Variants in ZNF33A observed in about 807,000 individuals in gnomAD.
ZNF33A encodes the protein brain my041 protein.
A neutral mutation model predicts 15.9 loss-of-function variants in ZNF33A; 9 were observed. The observed-to-expected ratio is 0.57, with a 90% confidence interval of 0.34 to 0.99. The LOEUF (loss-of-function observed/expected upper bound fraction) is 0.99, where lower values mean the gene tolerates loss of function less well. ZNF33A is among the 50% of genes least tolerant of loss of function. The pLI is 0.02. For synonymous variants in ZNF33A, 294 were observed against 324.2 expected (o/e 0.91, Z 1.00); for missense variants, 843 against 941.6 (o/e 0.90, Z 1.37).
At chr10:38,024,148 G>A (rs189267295) in intron 4 of ZNF33A, among the ~76,000 whole-genome samples, 1,181 of 86,748 alleles carry the variant, frequency 0.014, 3 homozygotes, top group Non-Finnish European at 0.019. Flanking sequence ...GTGAAACTCC[G>A]TCTCAAAAAC....
intron 4 of ZNF33A, among the ~76,000 whole-genome samples, chr10:38,029,332 G>A (rs571057805): frequency 6.6e-6 from 1 of 152,258 alleles, no homozygotes; most frequent in South Asian, 2.1e-4. Context: ...AGAGTTCTCA[G>A]ATGATAGTTT....
chr10:38,015,896 T>C, intron 2 of ZNF33A: 1 of 856,102 alleles, frequency 1.2e-6, no homozygotes, highest in Non-Finnish European at 1.6e-6. Context: ...GAATTGGTTC[T>C]GTAAACGAAA....
intron 4 of ZNF33A, among the ~76,000 whole-genome samples, chr10:38,022,006 A>G (rs2064767583): frequency 6.6e-6 from 1 of 152,202 alleles, no homozygotes; most frequent in South Asian, 2.1e-4. Context: ...TGATAGAGAA[A>G]TTTATGGCAC....
intron 4 of ZNF33A, among the ~76,000 whole-genome samples, chr10:38,034,109 G>A (rs112385634): frequency 1.3e-5 from 2 of 152,268 alleles, no homozygotes; most frequent in African/African-American, 4.8e-5. Context: ...GAAAAATTGG[G>A]GAGATAGTAG....
chr10:38,025,568 A>C (rs2064947642), intron 4 of ZNF33A, among the ~76,000 whole-genome samples: 1 of 152,258 alleles, frequency 6.6e-6, no homozygotes, highest in African/African-American at 2.4e-5. Context: ...AGAGGCCCTC[A>C]CCAGGCCCTG....
At position 38,055,091 on chromosome 10, in the gene ZNF33A, G is replaced by A; in HGVS notation, c.967G>A (p.Asp323Asn). The change falls in exon 5 of 5, where the codon GAT becomes AAT. Residue 323 changes from aspartate to asparagine, a missense_variant. Asp to Asn is a conservative substitution (Grantham distance 23). Transcript: ENST00000432900. ...KLCLSHLQKG[D>N]KGEKHFECNE... Reference sequence around the variant, plus strand: ...GTGTCTGTCACACCTTCAGAAAGGTGATAAAGGAGAGAAACACTTTGAATG... The same window carrying A: ...GTGTCTGTCACACCTTCAGAAAGGTAATAAAGGAGAGAAACACTTTGAATG... The A allele has an allele frequency of 6.2e-7, 1 of 1,614,152 alleles. No individual in the cohort carries two copies. Among genetic ancestry groups the A allele is most frequent in the Non-Finnish European group, 8.5e-7 (1 of 1,179,984 alleles).
chr10:38,067,451 C>T (rs1383272928), downstream of ZNF33A, among the ~76,000 whole-genome samples: 2 of 152,148 alleles, frequency 1.3e-5, no homozygotes, highest in Non-Finnish European at 2.9e-5. Flanking sequence ...CCTTTTGACT[C>T]GAGTTCAAGA....
At chr10:38,020,771 C>G (rs2064701214) in intron 4 of ZNF33A, among the ~76,000 whole-genome samples, 1 of 152,156 alleles carries the variant, frequency 6.6e-6, no homozygotes, top group Non-Finnish European at 1.5e-5. Flanking sequence ...AATCTTAGCT[C>G]TTGTGAACAG....
chr10:38,028,165 G>A (rs1196542048), intron 4 of ZNF33A, among the ~76,000 whole-genome samples: 1 of 151,992 alleles, frequency 6.6e-6, no homozygotes. Flanking sequence ...CTACTTGGGA[G>A]GATGAGGGAG....
Position 38,057,202 on chromosome 10 carries a change from T to TA in ZNF33A, c.*643dup. On this transcript the variant is annotated 3_prime_UTR_variant, in exon 5 of 5. Transcript: ENST00000432900. ...TGAGTAACCATCAACACGATTAGTT[T>TA]ACAGAACTGAAAAGGAATCTGAGAT... 1.0e-6 allele frequency: 1 copy of TA among 984,666 alleles called. No homozygotes were observed. Among genetic ancestry groups the TA allele is most frequent in the Non-Finnish European group, 1.2e-6 (1 of 829,300 alleles). 61.0% of individuals were successfully genotyped at this position (984,666 alleles called of 1,614,324 possible).
chr10:38,047,791 G>A (rs1340321211), intron 4 of ZNF33A, among the ~76,000 whole-genome samples: 3 of 152,034 alleles, frequency 2.0e-5, no homozygotes, highest in Non-Finnish European at 4.4e-5. Context: ...ATGTCCAAAT[G>A]TGATGGGAAC....
At chr10:38,023,586 T>C (rs2064850097) in intron 4 of ZNF33A, among the ~76,000 whole-genome samples, 1 of 152,182 alleles carries the variant, frequency 6.6e-6, no homozygotes, top group Non-Finnish European at 1.5e-5. Context: ...AAACTCTCCA[T>C]ACTAGACATT....
chr10:38,014,814 G>A (rs755220258), intron 2 of ZNF33A, among the ~76,000 whole-genome samples: 1 of 152,126 alleles, frequency 6.6e-6, no homozygotes, highest in Non-Finnish European at 1.5e-5. Flanking sequence ...AATATTGTTA[G>A]TATTAATAAA....
chr10:38,030,996 C>G (rs1164572580), intron 4 of ZNF33A, among the ~76,000 whole-genome samples: 1 of 152,168 alleles, frequency 6.6e-6, no homozygotes, highest in Non-Finnish European at 1.5e-5. Flanking sequence ...TGGGAGATGG[C>G]TGTAGTTACC....
intron 4 of ZNF33A, among the ~76,000 whole-genome samples, chr10:38,044,816 T>C (rs2065881906): frequency 6.6e-6 from 1 of 151,910 alleles, no homozygotes; most frequent in Admixed American, 6.6e-5. Flanking sequence ...TACAAGTGCC[T>C]GCCACCATGC....
intron 2 of ZNF33A, chr10:38,016,184 A>G (rs2064443188): frequency 2.4e-6 from 1 of 422,112 alleles, no homozygotes; most frequent in South Asian, 1.3e-4. Flanking sequence ...TTAAATCCAA[A>G]TGAGAGTTAA....
At chr10:38,016,156 G>A in intron 2 of ZNF33A, 1 of 518,740 alleles carries the variant, frequency 1.9e-6, no homozygotes, top group African/African-American at 2.0e-5. Context: ...GAAAATGTCA[G>A]GCTCTTTTTC....
At chr10:38,021,167 CATT>C (rs1223550769) in intron 4 of ZNF33A, among the ~76,000 whole-genome samples, 1 of 152,108 alleles carries the variant, frequency 6.6e-6, no homozygotes, top group Non-Finnish European at 1.5e-5. Context: ...ACTGTACAAA[CATT>C]AATCAAAACA....
intron 4 of ZNF33A, among the ~76,000 whole-genome samples, chr10:38,036,380 G>A (rs2065455356): frequency 6.6e-6 from 1 of 152,112 alleles, no homozygotes; most frequent in Non-Finnish European, 1.5e-5. Flanking sequence ...AGAGGTTGCA[G>A]TGAGCTGAGA....
Sources: allele counts gnomAD v4.1 joint callset (sites outside exome capture counted in the v4.1 genomes callset), GRCh38; gene constraint gnomAD v4.1.1; transcripts MANE v1.5; gene names NCBI Gene and HGNC (gene_info 2026-07-23, HGNC 2026-07-21).